TNS3: variants seen among roughly 807,000 people sequenced by gnomAD.
TNS3 encodes tensin-3.
TNS3 carries 45 observed loss-of-function variants against 140.9 expected under a neutral mutation model. The ratio of observed to expected loss-of-function variants is 0.32; its 90% CI spans 0.25 to 0.41. The LOEUF is 0.41. Among genes scored for constraint, TNS3 ranks in the 10% least tolerant of loss-of-function variants. The pLI is 1.00. For synonymous variants in TNS3, 815 were observed against 788.4 expected, an observed-to-expected ratio of 1.03 and a Z score of -0.56; for missense variants, 1,716 against 1,906.7, an observed-to-expected ratio of 0.90 and a Z score of 1.86.
chr7:47,294,060 G>A (rs149268955), intron 24 of TNS3, among the ~76,000 whole-genome samples: 386 of 152,322 alleles, frequency 2.5e-3, no homozygotes, highest in Non-Finnish European at 4.5e-3. Flanking sequence ...GGGAACCCTT[G>A]CAATGACAGT....
rs185135987 is a variant in TNS3, at chr7:47,423,939, T to C, written c.473+162A>G. 5.3e-5 allele frequency among the ~76,000 whole-genome samples: 8 copies of C among 152,316 alleles called. No homozygotes were observed. In the East Asian group the frequency reaches 1.5e-3, roughly 29 times the overall value. On this transcript the variant is annotated intron_variant, in intron 10 of 30. Transcript: ENST00000311160. ...ACAGGATGGCTAAGTCCTTAACCTCTGGGAGGGACAAGTCTCCCCACCACC... is the reference window on the plus strand; with the variant it reads ...ACAGGATGGCTAAGTCCTTAACCTCCGGGAGGGACAAGTCTCCCCACCACC...
chr7:47,431,575 G>C (rs997070492), intron 8 of TNS3, among the ~76,000 whole-genome samples: 1 of 152,196 alleles, frequency 6.6e-6, no homozygotes. Flanking sequence ...CCTGGTGACA[G>C]AGTGAGACTC....
At chr7:47,289,889 G>C (rs906749982) in intron 27 of TNS3, among the ~76,000 whole-genome samples, 5 of 152,164 alleles carry the variant, frequency 3.3e-5, no homozygotes, top group African/African-American at 1.2e-4. Context: ...TATTAACAAA[G>C]TGATTCTACA....
intron 4 of TNS3, chr7:47,470,337 G>A: frequency 1.6e-6 from 1 of 630,668 alleles, no homozygotes; most frequent in African/African-American, 2.0e-5. Flanking sequence ...AATAAAAGCT[G>A]AAGTTTTTAA....
At chr7:47,297,040 T>G in intron 24 of TNS3, 42 bp downstream of exon 24, 1 of 1,595,014 alleles carries the variant, frequency 6.3e-7, no homozygotes. Context: ...AGAGTTTCTC[T>G]GTGGATGAGC....
chr7:47,454,155 G>T (rs1389380567), intron 4 of TNS3, among the ~76,000 whole-genome samples: 1 of 152,106 alleles, frequency 6.6e-6, no homozygotes, highest in Non-Finnish European at 1.5e-5. Flanking sequence ...CATTCCACTG[G>T]AAACCACGTG....
chr7:47,430,544 A>T (rs907295800), intron 8 of TNS3, among the ~76,000 whole-genome samples: 3 of 152,174 alleles, frequency 2.0e-5, no homozygotes, highest in Admixed American at 2.0e-4. Flanking sequence ...AACCAGTAAG[A>T]AAACAGGGTA....
chr7:47,532,993 AAT>A (rs148801809), intron 1 of TNS3, among the ~76,000 whole-genome samples: 3,014 of 151,360 alleles, frequency 0.02, 94 homozygotes, highest in African/African-American at 0.069. Flanking sequence ...AGGTAGGAGA[AAT>A]AGAAAACAAG....
Position 47,276,029 on chromosome 7 carries a change from A to G in TNS3, c.*2047T>C. The G allele has an allele frequency of 5.6e-6, 2 of 357,270 alleles. No homozygotes were observed. Among genetic ancestry groups the G allele is most frequent in the Non-Finnish European group, 5.6e-6 (1 of 179,976 alleles). The allele number at this position is 357,270 out of a possible 1,614,324, so 22.1% of individuals were successfully genotyped here. ...AAACATGGGTAGAGACCGTCTCAGG[A>G]TGAGGACCTCTTGGGGAAAGTACAA... On this transcript the variant is annotated 3_prime_UTR_variant, in exon 31 of 31. Coordinates refer to ENST00000311160, the MANE Select transcript of TNS3 (RefSeq NM_022748.12).
chr7:47,439,024 C>T (rs1003790431), intron 6 of TNS3, among the ~76,000 whole-genome samples: 10 of 152,190 alleles, frequency 6.6e-5, no homozygotes, highest in Admixed American at 3.9e-4. Context: ...ACCATCAACT[C>T]GACAAGTGTG....
intron 1 of TNS3, among the ~76,000 whole-genome samples, chr7:47,538,711 T>C (rs1459282899): frequency 6.6e-6 from 1 of 152,162 alleles, no homozygotes; most frequent in Non-Finnish European, 1.5e-5. Context: ...AACCTCCTCC[T>C]AGAACACACC....
intron 1 of TNS3, among the ~76,000 whole-genome samples, chr7:47,558,886 G>A (rs994928861): frequency 6.6e-6 from 1 of 152,014 alleles, no homozygotes; most frequent in African/African-American, 2.4e-5. Context: ...TGACCCCCTC[G>A]AGCCCTTCCA....
chr7:47,506,949 G>GAAAAAA lies in TNS3; in HGVS notation c.-152-11_-152-6dup. On this transcript the variant is annotated splice_polypyrimidine_tract_variant and splice_region_variant and intron_variant, in intron 2 of 30. Transcript: ENST00000311160. ...TGTGGCAGGAATACTTGCAGGCTGG[G>GAAAAAA]AAAAAAAAAAAGAGAAAGAATGTGT... The GAAAAAA allele has an allele frequency of 8.9e-7, 1 of 1,127,000 alleles. No homozygotes were observed. 69.8% of individuals were successfully genotyped at this position (1,127,000 alleles called of 1,614,324 possible). A position where few individuals can be genotyped will look rare whatever the true frequency, so the allele number is the denominator to read the frequency against.
chr7:47,388,269 C>T (rs75563335), intron 16 of TNS3, among the ~76,000 whole-genome samples: 32,196 of 152,116 alleles, frequency 0.21, 3,605 homozygotes, highest in East Asian at 0.32. Context: ...CTGCTGCTCA[C>T]GCTAGGTGTG....
chr7:47,372,889 A>G (rs1316821144), intron 16 of TNS3, among the ~76,000 whole-genome samples: 2 of 152,246 alleles, frequency 1.3e-5, no homozygotes, highest in Non-Finnish European at 2.9e-5. Flanking sequence ...AACGTACAGG[A>G]AAAGAATATG....
intron 6 of TNS3, among the ~76,000 whole-genome samples, chr7:47,439,214 G>A (rs1795338570): frequency 6.6e-6 from 1 of 152,200 alleles, no homozygotes; most frequent in African/African-American, 2.4e-5. Flanking sequence ...AGGCACTGGG[G>A]AGCCAGCCTC....
chr7:47,368,891 G>A lies in TNS3; in HGVS notation c.1755C>T (p.Ser585=). Residue 585 remains serine, a synonymous_variant, in exon 17 of 31, where the codon TCC becomes TCT. Coordinates refer to ENST00000311160, the MANE Select transcript of TNS3 (RefSeq NM_022748.12). Reference sequence around the variant, plus strand: ...GCTGCTGGCGCACCCAGGTCTGTGTGGAGTAGCTGCTCTGCCCATAGGCCT... The same window carrying A: ...GCTGCTGGCGCACCCAGGTCTGTGTAGAGTAGCTGCTCTGCCCATAGGCCT... The part of the protein sequence containing the change: ...QMQAYGQSSY[S]TQTWVRQQQM... The A allele has an allele frequency of 1.2e-6, 2 of 1,613,702 alleles. No homozygotes were observed. Among genetic ancestry groups the A allele is most frequent in the South Asian group, 1.1e-5 (1 of 91,040 alleles).
At chr7:47,311,413 TGTG>T (rs1787091663) in intron 20 of TNS3, among the ~76,000 whole-genome samples, 1 of 133,060 alleles carries the variant, frequency 7.5e-6, no homozygotes, top group Non-Finnish European at 1.7e-5. Context: ...TGTGTGTGTG[TGTG>T]TGTGTGTGTG....
intron 1 of TNS3, among the ~76,000 whole-genome samples, chr7:47,557,596 A>G (rs1442925929): frequency 1.3e-5 from 2 of 152,216 alleles, no homozygotes; most frequent in Admixed American, 1.3e-4. Flanking sequence ...TGGGAATATG[A>G]CGTGGCAACT....
Sources: allele counts gnomAD v4.1 joint callset (sites outside exome capture counted in the v4.1 genomes callset), GRCh38; gene constraint gnomAD v4.1.1; transcripts MANE v1.5; gene names NCBI Gene and HGNC (gene_info 2026-07-23, HGNC 2026-07-21).